SNTG2: variants seen among roughly 807,000 people sequenced by gnomAD.
SNTG2 encodes gamma-2-syntrophin.
SNTG2 carries 74 observed loss-of-function variants against 70.9 expected under a neutral mutation model. The observed-to-expected ratio is 1.04, with a 90% CI of 0.86 to 1.27. The LOEUF (loss-of-function observed/expected upper bound fraction) is 1.27, where lower values mean the gene tolerates loss of function less well. Ranked by LOEUF, SNTG2 falls within the 50% of genes most tolerant of loss-of-function variation. SNTG2 has a pLI of 0.00. For synonymous variants in SNTG2, 278 were observed against 273.8 expected (o/e 1.02, Z -0.15); for missense variants, 717 against 690.7 (o/e 1.04, Z -0.43).
intron 1 of SNTG2, among the ~76,000 whole-genome samples, chr2:955,951 C>T (rs764145494): frequency 2.7e-5 from 4 of 150,732 alleles, no homozygotes; most frequent in Non-Finnish European, 4.5e-5. Flanking sequence ...TGCCTCAGAG[C>T]CTTCCCTGCC....
intron 9 of SNTG2, among the ~76,000 whole-genome samples, chr2:1,236,497 C>A (rs1306928443): frequency 1.3e-5 from 2 of 152,242 alleles, no homozygotes; most frequent in African/African-American, 2.4e-5. Context: ...CGGCTCCACA[C>A]AGTCACCTCC....
At chr2:1,256,825 C>T (rs984907008) in intron 12 of SNTG2, among the ~76,000 whole-genome samples, 3 of 152,060 alleles carry the variant, frequency 2.0e-5, no homozygotes, top group Non-Finnish European at 2.9e-5. Context: ...GATGGCAGGG[C>T]CTCTGGGACT....
intron 1 of SNTG2, among the ~76,000 whole-genome samples, chr2:954,262 G>A (rs953069614): frequency 3.3e-5 from 5 of 152,172 alleles, no homozygotes; most frequent in Non-Finnish European, 7.3e-5. Flanking sequence ...CCGGCTTCGG[G>A]AACCACCATC....
intron 11 of SNTG2, among the ~76,000 whole-genome samples, chr2:1,245,441 C>A (rs1235926572): frequency 6.6e-6 from 1 of 152,178 alleles, no homozygotes; most frequent in Non-Finnish European, 1.5e-5. Flanking sequence ...CTTTTCATGA[C>A]TGTGTGGAAG....
In SNTG2 at chr2:1,112,117, T is replaced by C. The variant is rs1180018350; in HGVS notation, c.325+13707T>C. Among the ~76,000 whole-genome samples, 3 of 134,734 alleles carry C rather than the reference T, an allele frequency of 2.2e-5. 1 individual carries two copies. The highest frequency in any genetic ancestry group is 8.8e-5 in the African/African-American group (3 of 34,204). 88.4% of individuals were successfully genotyped at this position (134,734 alleles called of 152,430 possible). ...TTAAACCCTTACAGTACTTTGAGGA[T>C]AATCATGTATACTAAGTGAGGTTTA... On this transcript the variant is annotated intron_variant, in intron 4 of 16. Transcript: ENST00000308624.
chr2:1,281,316 GTT>G (rs1572914850), intron 14 of SNTG2, among the ~76,000 whole-genome samples: 2 of 73,656 alleles, frequency 2.7e-5, no homozygotes, highest in East Asian at 3.4e-4. Flanking sequence ...TGGTGTGTGT[GTT>G]TGTGTGGTGT....
At chr2:1,219,216 C>G (rs763049330) in intron 9 of SNTG2, among the ~76,000 whole-genome samples, 9 of 152,308 alleles carry the variant, frequency 5.9e-5, no homozygotes, top group Admixed American at 1.3e-4. Flanking sequence ...GCTGGCTCCC[C>G]CTTTGCCTTC....
rs377605867 is a variant in SNTG2 at position 1,347,584 on chromosome 2, G to A, written c.1489-19759G>A. On this transcript the variant is annotated intron_variant, in intron 16 of 16. Transcript: ENST00000308624. ...TCTCTCCATGTCCTGTCAGGCCCCT[G>A]TCTGGCTCCCATCACTGTATGTGTG... Among the ~76,000 whole-genome samples the A allele has an allele frequency of 4.6e-5, 7 of 152,328 alleles. No individual in the cohort carries two copies. The East Asian group carries it at 7.7e-4, about 17-fold the overall frequency.
chr2:1,367,280 A>G (rs1244812903), intron 16 of SNTG2, 63 bp from the exon 17 acceptor site: 11 of 1,459,110 alleles, frequency 7.5e-6, no homozygotes, highest in Non-Finnish European at 9.1e-6. Context: ...ACTTTGTTAA[A>G]TATTTTTGTA....
chr2:979,274 A>G (rs537194457), intron 1 of SNTG2, among the ~76,000 whole-genome samples: 1 of 152,334 alleles, frequency 6.6e-6, no homozygotes, highest in South Asian at 2.1e-4. Flanking sequence ...CAGTGGTTTC[A>G]TTACCAGTTT....
intron 4 of SNTG2, among the ~76,000 whole-genome samples, chr2:1,132,219 A>G (rs62107445): frequency 2.0e-4 from 27 of 135,156 alleles, no homozygotes; most frequent in African/African-American, 6.1e-4. Flanking sequence ...GTGTATATAT[A>G]TGTGTATATA....
intron 12 of SNTG2, 149 bp downstream of exon 12, chr2:1,247,592 G>T (rs774249991): frequency 4.9e-6 from 3 of 611,180 alleles, no homozygotes; most frequent in Non-Finnish European, 8.7e-6. Flanking sequence ...AAAGGATTCT[G>T]CTTGTAGATT....
chr2:1,316,450 A>C (rs1484253417), intron 16 of SNTG2, 75 bp downstream of exon 16: 47 of 699,386 alleles, frequency 6.7e-5, no homozygotes, highest in Non-Finnish European at 1.1e-4. Flanking sequence ...CGCTGGTAAA[A>C]ATCTCCACCC....
chr2:1,287,658 T>C (rs1679819747), intron 14 of SNTG2, among the ~76,000 whole-genome samples: 1 of 152,166 alleles, frequency 6.6e-6, no homozygotes, highest in Non-Finnish European at 1.5e-5. Flanking sequence ...CTGAATAGCA[T>C]GCGCCAGACA....
At chr2:986,934 GC>G (rs1661343441) in intron 1 of SNTG2, among the ~76,000 whole-genome samples, 1 of 152,306 alleles carries the variant, frequency 6.6e-6, no homozygotes, top group Non-Finnish European at 1.5e-5. Flanking sequence ...AATACTTGCA[GC>G]TATTTTATAT....
At chr2:1,283,191 C>T (rs997967456) in intron 14 of SNTG2, among the ~76,000 whole-genome samples, 1 of 152,124 alleles carries the variant, frequency 6.6e-6, no homozygotes, top group Non-Finnish European at 1.5e-5. Context: ...CTGCTGCCGC[C>T]CACGCCCTAA....
At chr2:1,217,965 C>G (rs933040531) in intron 9 of SNTG2, among the ~76,000 whole-genome samples, 8 of 152,004 alleles carry the variant, frequency 5.3e-5, no homozygotes, top group Non-Finnish European at 1.2e-4. Context: ...AGGCTGAAAC[C>G]AAGGTGTCGG....
In SNTG2 at chr2:1,185,355, CT is replaced by C. The variant is rs578122831; in HGVS notation, c.591+12174del. Among the ~76,000 whole-genome samples, 250 of 152,258 alleles carry C rather than the reference CT, an allele frequency of 1.6e-3. 1 individual carries two copies. Among genetic ancestry groups the C allele is most frequent in the African/African-American group, 5.6e-3 (232 of 41,548 alleles). On this transcript the variant is annotated intron_variant, in intron 8 of 16. Coordinates refer to ENST00000308624, the MANE Select transcript of SNTG2 (RefSeq NM_018968.4). ...ATTCTGGGGTCTGGAGGATGGTAGCCTTCTTCTCACAGTTCCAGTAGTCAGC... is the reference window on the plus strand; with the variant it reads ...ATTCTGGGGTCTGGAGGATGGTAGCCTCTTCTCACAGTTCCAGTAGTCAGC...
chr2:1,168,241 TGAAGCCTACAGGCCGCCCACAGAC>T (rs1558483608), intron 7 of SNTG2, among the ~76,000 whole-genome samples: 68 of 143,968 alleles, frequency 4.7e-4, no homozygotes, highest in Non-Finnish European at 1.5e-4. Context: ...ACGGCAGAAC[TGAAGCCTACAGGCCGCCCACAGAC>T]GGCAGAACTG....
Sources: allele counts gnomAD v4.1 joint callset (sites outside exome capture counted in the v4.1 genomes callset), GRCh38; gene constraint gnomAD v4.1.1; transcripts MANE v1.5; gene names NCBI Gene and HGNC (gene_info 2026-07-23, HGNC 2026-07-21).